NAP1L4: variants seen among roughly 807,000 people sequenced by gnomAD.
The protein encoded by NAP1L4 is nucleosome assembly protein 1 like 4, also known as nucleosome assembly protein 1-like 4.
A neutral mutation model predicts 58.2 loss-of-function variants in NAP1L4; 15 were observed. The ratio of observed to expected loss-of-function variants is 0.26; its 90% CI spans 0.17 to 0.40. NAP1L4 has a LOEUF of 0.40. Among genes scored for constraint, NAP1L4 ranks in the 10% least tolerant of loss-of-function variants. The probability of loss-of-function intolerance (pLI) is 1.00; values close to 1 mark genes in which losing one functional copy is unlikely to be tolerated. For synonymous variants in NAP1L4, 171 were observed against 155.6 expected (o/e 1.10, Z -0.74); for missense variants, 384 against 451.1 (o/e 0.85, Z 1.35).
At chr11:2,958,664 G>A (rs1846690975) in intron 9 of NAP1L4, 120 bp from the exon 10 acceptor site, 4 of 997,690 alleles carry the variant, frequency 4.0e-6, no homozygotes, top group African/African-American at 1.7e-5. Flanking sequence ...AAACCAATCT[G>A]CAAACCAAAT....
intron 7 of NAP1L4, among the ~76,000 whole-genome samples, chr11:2,967,357 A>G (rs61283933): frequency 0.18 from 27,062 of 152,238 alleles, 3,031 homozygotes; most frequent in South Asian, 0.36. Flanking sequence ...TCACGCCTGT[A>G]ATCCCAGCAC....
rs372761800 is a variant in NAP1L4 at position 2,963,466 on chromosome 11, G to C, written c.606+1214C>G. 4.7e-4 allele frequency among the ~76,000 whole-genome samples: 71 copies of C among 152,298 alleles called. 1 individual carries two copies. In the East Asian group the frequency reaches 7.3e-3, roughly 16 times the overall value. ...AGGGCAGCCCCCAGCTGGTGAGCAG[G>C]CATCACTCCCAGCTCCCAGGGCCCC... On this transcript the variant is annotated intron_variant, in intron 8 of 15. Coordinates refer to ENST00000380542, the MANE Select transcript of NAP1L4 (RefSeq NM_005969.4).
At chr11:2,982,894 G>A (rs560909973) in intron 1 of NAP1L4, among the ~76,000 whole-genome samples, 3 of 152,184 alleles carry the variant, frequency 2.0e-5, no homozygotes, top group East Asian at 1.9e-4. Flanking sequence ...GGTGGCACTC[G>A]CCTGTAATCC....
intron 7 of NAP1L4, 56 bp from the exon 8 acceptor site, chr11:2,964,807 T>G: frequency 7.7e-7 from 1 of 1,301,720 alleles, no homozygotes; most frequent in Non-Finnish European, 1.1e-6. Flanking sequence ...AACACATCTC[T>G]CCCGAAGAGT....
At chr11:2,963,449 C>T (rs1055611061) in intron 8 of NAP1L4, among the ~76,000 whole-genome samples, 4 of 152,192 alleles carry the variant, frequency 2.6e-5, no homozygotes, top group African/African-American at 9.6e-5. Context: ...GGAGGGCAGC[C>T]CCCAGCTGGT....
At chr11:2,963,549 T>G (rs760997800) in intron 8 of NAP1L4, among the ~76,000 whole-genome samples, 1 of 152,104 alleles carries the variant, frequency 6.6e-6, no homozygotes, top group South Asian at 2.1e-4. Context: ...CAGGAAAAAG[T>G]AGAAGAGACA....
rs879248413 is a variant in NAP1L4, at chr11:2,951,168, G to C, written c.1122+91C>G. ...TTCTAATTAGGGAATAATGAATATT[G>C]TTAACACTACTGCCTCAAAGTGGGG... On this transcript the variant is annotated intron_variant, in intron 14 of 15. Transcript: ENST00000380542. The surrounding 1 kb of genome is among the most constrained non-coding windows in gnomAD (Gnocchi z 4.0). 1.0e-6 allele frequency: 1 copy of C among 972,550 alleles called. No homozygotes were observed. Among genetic ancestry groups the C allele is most frequent in the East Asian group, 2.4e-5 (1 of 41,172 alleles). The allele number at this position is 972,550 out of a possible 1,614,324, so 60.2% of individuals were successfully genotyped here. A position where few individuals can be genotyped will look rare whatever the true frequency, so the allele number is the denominator to read the frequency against.
chr11:2,971,662 T>A lies in NAP1L4; in HGVS notation c.316-128A>T. 1.3e-6 allele frequency: 1 copy of A among 781,284 alleles called. No homozygotes were observed. The highest frequency in any genetic ancestry group is 2.7e-5 in the East Asian group (1 of 36,816). The allele number at this position is 781,284 out of a possible 1,614,324, so 48.4% of individuals were successfully genotyped here. A position where few individuals can be genotyped will look rare whatever the true frequency, so the allele number is the denominator to read the frequency against. On this transcript the variant is annotated intron_variant, in intron 5 of 15. Coordinates refer to ENST00000380542, the MANE Select transcript of NAP1L4 (RefSeq NM_005969.4). The surrounding 1 kb of genome is among the most constrained non-coding windows in gnomAD (Gnocchi z 4.2). ...ATATTTTTATAACTTATTTTAAGATTCTAAATTTTAGGGTTCAAAGAAAAA... is the reference window on the plus strand; with the variant it reads ...ATATTTTTATAACTTATTTTAAGATACTAAATTTTAGGGTTCAAAGAAAAA...
intron 4 of NAP1L4, among the ~76,000 whole-genome samples, chr11:2,975,089 G>A (rs1424258604): frequency 2.6e-5 from 4 of 151,714 alleles, no homozygotes; most frequent in Non-Finnish European, 5.9e-5. Context: ...GGAAGGTGGG[G>A]CCTCCTGGGA....
chr11:2,963,048 C>T (rs1359262097), intron 8 of NAP1L4, among the ~76,000 whole-genome samples: 3 of 141,532 alleles, frequency 2.1e-5, no homozygotes, highest in South Asian at 2.2e-4. Context: ...TGCAGTGAGC[C>T]GAGATCATAT....
rs1488952597 is a variant in NAP1L4, at chr11:2,951,288, C to G, written c.1093G>C (p.Asp365His). The G allele has an allele frequency of 6.2e-7, 1 of 1,614,156 alleles. No homozygotes were observed. Among genetic ancestry groups the G allele is most frequent in the African/African-American group, 1.3e-5 (1 of 75,056 alleles). ...EELEGDEEGE[D>H]EDDAEINPKV ...GGGTTAATTTCCGCATCATCCTCGT[C>G]TTCTCCCTCCTCGTCACCTTCTAAT... Residue 365 changes from aspartate (D) to histidine (H), a missense_variant, in exon 14 of 16, where the codon GAC becomes CAC. Asp to His is a moderately conservative substitution (Grantham distance 81). Transcript: ENST00000380542. The surrounding 1 kb of genome is among the most constrained non-coding windows in gnomAD (Gnocchi z 4.0).
chr11:2,983,969 G>C (rs2519177), intron 1 of NAP1L4, among the ~76,000 whole-genome samples: 143 of 148,552 alleles, frequency 9.6e-4, no homozygotes, highest in African/African-American at 2.3e-3. Flanking sequence ...CTGGGAGACA[G>C]AGTGAGACTG....
At position 2,951,305 on chromosome 11, in the gene NAP1L4, C is replaced by T; in HGVS notation, c.1076G>A (p.Gly359Asp). 1.2e-6 allele frequency: 2 copies of T among 1,613,920 alleles called. No individual in the cohort carries two copies. The highest frequency in any genetic ancestry group is 1.7e-6 in the Non-Finnish European group (2 of 1,179,882). Reference protein sequence around the residue: ...GEEGEEEELEGDEEGEDEDDA... With the variant: ...GEEGEEEELEDDEEGEDEDDA... ...ATCCTCGTCTTCTCCCTCCTCGTCA[C>T]CTTCTAATTCCTGTATTTAAAAAGT... is the stretch of plus-strand genomic sequence containing the variant. Residue 359 changes from glycine (G) to aspartate (D), a missense_variant, in exon 14 of 16, where the codon GGT becomes GAT. Physicochemically the swap from Gly to Asp is moderately conservative, Grantham distance 94 (BLOSUM62 -1). Coordinates refer to ENST00000380542, the MANE Select transcript of NAP1L4 (RefSeq NM_005969.4). The surrounding 1 kb of genome is among the most constrained non-coding windows in gnomAD (Gnocchi z 4.0).
In NAP1L4 at chr11:2,958,308, G is replaced by A. The variant is rs1846671354; in HGVS notation, c.892+91C>T. The A allele has an allele frequency of 6.7e-6, 9 of 1,345,634 alleles. No homozygotes were observed. In the South Asian group the frequency reaches 9.6e-5, roughly 14 times the overall value. 83.4% of individuals were successfully genotyped at this position (1,345,634 alleles called of 1,614,324 possible). A position where few individuals can be genotyped will look rare whatever the true frequency, so the allele number is the denominator to read the frequency against. On this transcript the variant is annotated intron_variant, in intron 10 of 15. Transcript: ENST00000380542. ...CTGACCACACTTGCCTGAAAAAAGAGGACTAAAGTCTCTGGGTGTTAGGAA... is the reference window on the plus strand; with the variant it reads ...CTGACCACACTTGCCTGAAAAAAGAAGACTAAAGTCTCTGGGTGTTAGGAA...
At chr11:2,947,018 C>G (rs1341975310) in intron 15 of NAP1L4, among the ~76,000 whole-genome samples, 3 of 152,170 alleles carry the variant, frequency 2.0e-5, no homozygotes, top group Non-Finnish European at 1.5e-5. Context: ...ACGGGGAAGA[C>G]TGGGGCTGGT....
chr11:2,958,383 C>T lies in NAP1L4; in HGVS notation c.892+16G>A, dbSNP rs1301717175. The T allele has an allele frequency of 1.9e-6, 3 of 1,613,142 alleles. No homozygotes were observed. The highest frequency in any genetic ancestry group is 2.5e-6 in the Non-Finnish European group (3 of 1,179,506). ...TATATAAGAACATAATGAATATTAACAACCAACAGACTTGCCTTTCAATGG... is the reference window on the plus strand; with the variant it reads ...TATATAAGAACATAATGAATATTAATAACCAACAGACTTGCCTTTCAATGG... On this transcript the variant is annotated intron_variant, in intron 10 of 15. Transcript: ENST00000380542.
intron 4 of NAP1L4, among the ~76,000 whole-genome samples, chr11:2,973,059 T>A (rs1344437145): frequency 6.6e-6 from 1 of 152,198 alleles, no homozygotes; most frequent in Non-Finnish European, 1.5e-5. Flanking sequence ...AACTGGACAA[T>A]GCAAGTGCAA....
At chr11:2,964,582 T>G in intron 8 of NAP1L4, 98 bp downstream of exon 8, 174 of 923,094 alleles carry the variant, frequency 1.9e-4, no homozygotes, top group African/African-American at 1.7e-5. Context: ...AGTGGCTGGG[T>G]GTGGGTTTTG....
chr11:2,976,748 A>G (rs1223371552), intron 3 of NAP1L4, among the ~76,000 whole-genome samples: 1 of 152,194 alleles, frequency 6.6e-6, no homozygotes, highest in African/African-American at 2.4e-5. Context: ...TCACAATACC[A>G]AGCTGTTTGT....
Sources: allele counts gnomAD v4.1 joint callset (sites outside exome capture counted in the v4.1 genomes callset), GRCh38; gene constraint gnomAD v4.1.1; non-coding constraint Gnocchi (gnomAD v3.1); transcripts MANE v1.5; gene names NCBI Gene and HGNC (gene_info 2026-07-23, HGNC 2026-07-21).